MACF1: variants seen among roughly 807,000 people sequenced by gnomAD.
The protein encoded by MACF1 is microtubule actin crosslinking factor 1, also known as microtubule-actin cross-linking factor 1.
Under a neutral mutation model 854.8 loss-of-function variants are expected in MACF1, and 193 were observed. The ratio of observed to expected loss-of-function variants is 0.23; its 90% confidence interval spans 0.20 to 0.25. The LOEUF is 0.25. MACF1 is among the 10% of genes least tolerant of loss of function. The probability of loss-of-function intolerance (pLI) is 1.00; values close to 1 mark genes in which losing one functional copy is unlikely to be tolerated. For missense variants in MACF1, 7,722 were observed against 8,929.1 expected (o/e 0.86, Z 5.45); for synonymous variants, 3,185 against 3,226.7 (o/e 0.99, Z 0.44).
intron 2 of MACF1, among the ~76,000 whole-genome samples, chr1:39,097,172 TG>T (rs1054098335): frequency 1.3e-5 from 2 of 151,944 alleles, no homozygotes; most frequent in Non-Finnish European, 2.9e-5. Context: ...CCACCGCGCC[TG>T]GCCTCTTCAT....
Position 39,318,353 on chromosome 1 carries a change from C to T in MACF1, c.3783-100C>T. 6 of 1,091,416 alleles carry T rather than the reference C, an allele frequency of 5.5e-6. No homozygotes were observed. The East Asian group carries it at 7.2e-5, about 13-fold the overall frequency. The allele number at this position is 1,091,416 out of a possible 1,614,324, so 67.6% of individuals were successfully genotyped here. On this transcript the variant is annotated intron_variant, in intron 29 of 100. Transcript: ENST00000564288. ...TAGATAAAGATGGATCGTTTGTGGT[C>T]AAGCCCAGCTGGATACATGGGTTAA...
In MACF1 at chr1:39,337,438, G is replaced by A. The variant is rs1045045795; in HGVS notation, c.10215+107G>A. 3.7e-5 allele frequency: 41 copies of A among 1,104,914 alleles called. No homozygotes were observed. In the Middle Eastern group the frequency reaches 7.5e-4, roughly 20 times the overall value. 68.4% of individuals were successfully genotyped at this position (1,104,914 alleles called of 1,614,324 possible). A position where few individuals can be genotyped will look rare whatever the true frequency, so the allele number is the denominator to read the frequency against. On this transcript the variant is annotated intron_variant, in intron 38 of 100. Coordinates refer to ENST00000564288, the MANE Select transcript of MACF1 (RefSeq NM_001394062.1). ...AGAACCTGCTTGCACTCTATTCTAG[G>A]GTAAACAATCTCAGACCCTTGTCAG...
chr1:39,195,236 G>A (rs1644306168), intron 2 of MACF1, among the ~76,000 whole-genome samples: 1 of 152,136 alleles, frequency 6.6e-6, no homozygotes, highest in Non-Finnish European at 1.5e-5. Flanking sequence ...GTTCTCGGTT[G>A]TATGTTTTTG....
intron 99 of MACF1, among the ~76,000 whole-genome samples, chr1:39,483,204 A>C (rs964133099): frequency 1.3e-5 from 2 of 151,988 alleles, no homozygotes; most frequent in African/African-American, 4.8e-5. Context: ...CATAGCACCT[A>C]TTGGTAGCAG....
chr1:39,402,632 A>C (rs1438008823), intron 58 of MACF1, among the ~76,000 whole-genome samples: 1 of 152,172 alleles, frequency 6.6e-6, no homozygotes, highest in African/African-American at 2.4e-5. Flanking sequence ...AGTCTCAAGA[A>C]GAAGGGAGGA....
At position 39,250,037 on chromosome 1, in the gene MACF1, T is replaced by G. The variant is rs1645023142; in HGVS notation, c.195T>G (p.Leu65=). 1 of 1,613,320 alleles carries G rather than the reference T, an allele frequency of 6.2e-7. No individual in the cohort carries two copies. The highest frequency in any genetic ancestry group is 8.5e-7 in the Non-Finnish European group (1 of 1,179,508). The change falls in exon 3 of 101, where the codon CTT becomes CTG. Residue 65 remains leucine, a synonymous_variant. Transcript: ENST00000564288. Reference sequence around the variant, plus strand: ...AGGTCCGCAAGCACATCAATGATCTTTATGAAGATCTGCGGGATGGCCATA... The same window carrying G: ...AGGTCCGCAAGCACATCAATGATCTGTATGAAGATCTGCGGGATGGCCATA... ...LMKVRKHIND[L]YEDLRDGHNL...
intron 2 of MACF1, among the ~76,000 whole-genome samples, chr1:39,124,693 T>C (rs945258713): frequency 1.3e-5 from 2 of 152,256 alleles, no homozygotes; most frequent in African/African-American, 4.8e-5. Context: ...TAATGGTAGT[T>C]ATAGCAGCAG....
intron 89 of MACF1, 36 bp downstream of exon 89, chr1:39,455,133 C>A: frequency 6.3e-7 from 1 of 1,597,120 alleles, no homozygotes; most frequent in South Asian, 1.1e-5. Context: ...CTGGTGTTTT[C>A]CGTGTTGGGC....
At chr1:39,292,545 G>A (rs1281676606) in intron 16 of MACF1, among the ~76,000 whole-genome samples, 1 of 152,210 alleles carries the variant, frequency 6.6e-6, no homozygotes, top group Non-Finnish European at 1.5e-5. Context: ...ACACAGGATA[G>A]TGAGGTCTGT....
chr1:39,393,928 A>T (rs1642166722), intron 58 of MACF1, among the ~76,000 whole-genome samples: 1 of 152,002 alleles, frequency 6.6e-6, no homozygotes, highest in Admixed American at 6.6e-5. Flanking sequence ...GAAAGAAAGA[A>T]CGAACGAACG....
intron 59 of MACF1, 58 bp downstream of exon 59, chr1:39,422,593 C>T: frequency 6.4e-7 from 1 of 1,555,444 alleles, no homozygotes; most frequent in South Asian, 1.2e-5. Flanking sequence ...AAAGAGACAT[C>T]TGAATCTAAG....
At position 39,423,980 on chromosome 1, in the gene MACF1, G is replaced by C. The variant is rs1326851314; in HGVS notation, c.16150-48G>C. The C allele has an allele frequency of 2.7e-6, 4 of 1,480,454 alleles. No individual in the cohort carries two copies. The Admixed American group carries it at 8.1e-5, about 30-fold the overall frequency. 91.7% of individuals were successfully genotyped at this position (1,480,454 alleles called of 1,614,324 possible). A position where few individuals can be genotyped will look rare whatever the true frequency, so the allele number is the denominator to read the frequency against. ...GTTTTTTTTCTTTCTTCCTAGTTCA[G>C]ATTTCAAAATGATCCTGTGTTACAG... On this transcript the variant is annotated intron_variant, in intron 60 of 100. Coordinates refer to ENST00000564288, the MANE Select transcript of MACF1 (RefSeq NM_001394062.1).
rs764804366 is a variant in MACF1, at chr1:39,430,785, C to G, written c.17214C>G (p.Pro5738=). The change falls in exon 66 of 101, where the codon CCC becomes CCG. Residue 5738 remains proline, a synonymous_variant. Transcript: ENST00000564288. ...EVSRALLELV[P]WRAREGLDKL... ...GCCGTGCTCTCTTAGAGCTGGTGCC[C>G]TGGAGAGCCAGAGAAGGGCTGGATA... 1.2e-6 allele frequency: 2 copies of G among 1,612,472 alleles called. No individual in the cohort carries two copies. The highest frequency in any genetic ancestry group is 3.3e-5 in the Admixed American group (2 of 60,004).
intron 15 of MACF1, among the ~76,000 whole-genome samples, chr1:39,289,693 C>CT (rs58188740): frequency 0.037 from 1,065 of 28,772 alleles, 312 homozygotes; most frequent in South Asian, 0.053. Flanking sequence ...GTGGGTTGTC[C>CT]TTTTTTTTTT....
rs574343004 is a variant in MACF1 at position 39,247,877 on chromosome 1, C to A, written c.172-2137C>A. Among the ~76,000 whole-genome samples, 4 of 152,264 alleles carry A rather than the reference C, an allele frequency of 2.6e-5. No individual in the cohort carries two copies. In the East Asian group the frequency reaches 7.7e-4, roughly 29 times the overall value. ...TCTCTACTAAAAATACAAAAATTAGCTGATTGTGGTGGTGCGCACCTGTAA... is the reference window on the plus strand; with the variant it reads ...TCTCTACTAAAAATACAAAAATTAGATGATTGTGGTGGTGCGCACCTGTAA... On this transcript the variant is annotated intron_variant, in intron 2 of 100. Coordinates refer to ENST00000564288, the MANE Select transcript of MACF1 (RefSeq NM_001394062.1).
At chr1:39,257,635 C>T (rs1645112433) in intron 5 of MACF1, 2 of 287,508 alleles carry the variant, frequency 7.0e-6, no homozygotes, top group Non-Finnish European at 1.3e-5. Context: ...TGCATGATCC[C>T]ATTTATCCAA....
rs1335964485 is a variant in MACF1 at position 39,234,367 on chromosome 1, C to T, written c.171+3124C>T. On this transcript the variant is annotated intron_variant, in intron 2 of 100. Coordinates refer to ENST00000564288, the MANE Select transcript of MACF1 (RefSeq NM_001394062.1). ...CTCCTCACTTCCCAGTAGGGGCGGC[C>T]GGGCAGAGGCGCCCCTCACCTTCCG... 1.5e-4 allele frequency among the ~76,000 whole-genome samples: 22 copies of T among 151,372 alleles called. 1 individual carries two copies. The highest frequency in any genetic ancestry group is 1.2e-3 in the East Asian group (6 of 5,038).
At chr1:39,134,145 A>G (rs1643097150) in intron 2 of MACF1, among the ~76,000 whole-genome samples, 1 of 137,174 alleles carries the variant, frequency 7.3e-6, no homozygotes, top group African/African-American at 2.7e-5. Flanking sequence ...GGTTCATGCC[A>G]TTCTCTTGCC....
intron 2 of MACF1, among the ~76,000 whole-genome samples, chr1:39,237,892 T>G (rs1416364668): frequency 3.9e-5 from 6 of 152,072 alleles, no homozygotes; most frequent in Non-Finnish European, 5.9e-5. Flanking sequence ...ACGTTAAACA[T>G]AAAAATAGAA....
Sources: gnomAD v4.1 joint callset for allele counts (sites outside exome capture counted in the v4.1 genomes callset) on GRCh38, gnomAD v4.1.1 for gene constraint, MANE v1.5 for transcripts, NCBI Gene and HGNC (gene_info 2026-07-23, HGNC 2026-07-21) for gene names.